The following ZNF880 variants were observed in gnomAD, a reference collection of about 807,000 sequenced individuals.
The protein encoded by ZNF880 is zinc finger protein 880, also known as zinc finger protein LOC400713.
Under a neutral mutation model 11.8 loss-of-function variants are expected in ZNF880, and 12 were observed. The observed-to-expected ratio is 1.02, with a 90% confidence interval of 0.65 to 1.65. The LOEUF is 1.65. ZNF880 is among the 40% of genes most tolerant of loss of function. The pLI is 0.00. For synonymous variants in ZNF880, 210 were observed against 232.4 expected, an observed-to-expected ratio of 0.90 and a Z score of 0.88; for missense variants, 601 against 673.9, an observed-to-expected ratio of 0.89 and a Z score of 1.20.
Position 52,377,392 on chromosome 19 carries a change from C to T in ZNF880, c.268+2965C>T, listed in dbSNP as rs184686440. 2.8e-3 allele frequency among the ~76,000 whole-genome samples: 433 copies of T among 152,182 alleles called. 4 individuals carry two copies. The highest frequency in any genetic ancestry group is 9.0e-3 in the African/African-American group (373 of 41,508). On this transcript the variant is annotated intron_variant, in intron 3 of 3. Coordinates refer to ENST00000422689, the MANE Select transcript of ZNF880 (RefSeq NM_001145434.2). ...AGAGAGCGCTTCACTTCTGGTCAACCGAATGGGTGGGGATTTCTACGCACC... is the reference window on the plus strand; with the variant it reads ...AGAGAGCGCTTCACTTCTGGTCAACTGAATGGGTGGGGATTTCTACGCACC...
chr19:52,382,464 C>G (rs927022614), intron 3 of ZNF880, among the ~76,000 whole-genome samples: 2 of 152,184 alleles, frequency 1.3e-5, no homozygotes, highest in South Asian at 4.1e-4. Flanking sequence ...TTGGGTAAGT[C>G]TAGAATACTA....
At chr19:52,394,884 A>G in the ZNF880 span, 1 of 152,082 alleles carries the variant, frequency 6.6e-6, no homozygotes, top group Non-Finnish European at 1.5e-5. Context: ...TTATCCCTCT[A>G]TTTTCAACAC....
At chr19:52,373,818 G>GT (rs1310142749) in intron 2 of ZNF880, among the ~76,000 whole-genome samples, 2 of 150,850 alleles carry the variant, frequency 1.3e-5, no homozygotes, top group Admixed American at 6.6e-5. Context: ...CTACAGGCAC[G>GT]TGCCACCACG....
chr19:52,372,010 G>A (rs1341808253), intron 1 of ZNF880, among the ~76,000 whole-genome samples: 3 of 151,750 alleles, frequency 2.0e-5, no homozygotes, highest in Non-Finnish European at 2.9e-5. Context: ...CCAACATAGT[G>A]AAAACCTGTC....
chr19:52,369,899 G>A (rs1452504741), upstream of ZNF880: 9 of 1,550,304 alleles, frequency 5.8e-6, no homozygotes, highest in East Asian at 2.2e-4. Context: ...GCCTGGCCTC[G>A]CCTCGCCTCT....
the ZNF880 span, among the ~76,000 whole-genome samples, chr19:52,393,872 T>G: frequency 2.2e-5 from 3 of 136,052 alleles, no homozygotes; most frequent in Non-Finnish European, 4.7e-5. Flanking sequence ...AGTCTTGCTC[T>G]GTCGCCCAGG....
intron 1 of ZNF880, among the ~76,000 whole-genome samples, chr19:52,371,237 G>C (rs1986361512): frequency 6.6e-6 from 1 of 152,106 alleles, no homozygotes; most frequent in South Asian, 2.1e-4. Context: ...ACCTGTTATG[G>C]GGATACATGT....
In ZNF880 at chr19:52,385,096, C is replaced by T. The variant is rs1986843392; in HGVS notation, c.1516C>T (p.His506Tyr). Residue 506 changes from histidine to tyrosine, a missense_variant, in exon 4 of 4, where the codon CAC becomes TAC. Coordinates refer to ENST00000422689, the MANE Select transcript of ZNF880 (RefSeq NM_001145434.2). ...ECHKVFSHNS[H>Y]LARHRQIHTG... ...TCACAAAGTCTTTAGTCACAATTCA[C>T]ACCTTGCACGACATAGGCAAATTCA... 6.4e-7 allele frequency: 1 copy of T among 1,554,834 alleles called. No homozygotes were observed. The highest frequency in any genetic ancestry group is 8.7e-7 in the Non-Finnish European group (1 of 1,148,910).
downstream of ZNF880, chr19:52,389,580 C>A (rs1293365972): frequency 6.6e-6 from 1 of 152,280 alleles, no homozygotes; most frequent in Admixed American, 6.5e-5. Context: ...CCTCTCCTGG[C>A]TGCTTTCACA....
the ZNF880 span, chr19:52,391,071 A>C: frequency 6.6e-6 from 1 of 152,378 alleles, no homozygotes; most frequent in African/African-American, 2.4e-5. Flanking sequence ...GGGTTTCTAG[A>C]GAGATAAAGT....
At chr19:52,370,070 C>G in intron 1 of ZNF880, 93 bp downstream of exon 1, 1 of 1,461,848 alleles carries the variant, frequency 6.8e-7, no homozygotes, top group Non-Finnish European at 9.4e-7. Context: ...ACCTTGAAAT[C>G]CCCGCATCGC....
intron 1 of ZNF880, among the ~76,000 whole-genome samples, chr19:52,371,044 G>A (rs1986354653): frequency 6.6e-6 from 1 of 152,206 alleles, no homozygotes; most frequent in Non-Finnish European, 1.5e-5. Flanking sequence ...GAATAAGTGT[G>A]TACATGTGAT....
At chr19:52,382,260 G>A (rs1366091545) in intron 3 of ZNF880, among the ~76,000 whole-genome samples, 1 of 152,084 alleles carries the variant, frequency 6.6e-6, no homozygotes, top group Non-Finnish European at 1.5e-5. Flanking sequence ...CTGGGTGACA[G>A]AGCAAGACTC....
intron 3 of ZNF880, 151 bp from the exon 4 acceptor site, chr19:52,383,698 T>G (rs1004176636): frequency 7.3e-5 from 62 of 853,168 alleles, no homozygotes; most frequent in African/African-American, 5.5e-4. Context: ...CTTCCGTCCC[T>G]TTTGTTTTCT....
downstream of ZNF880, among the ~76,000 whole-genome samples, chr19:52,388,172 C>G (rs1342700862): frequency 4.7e-5 from 7 of 148,910 alleles, no homozygotes; most frequent in East Asian, 1.4e-3. Flanking sequence ...GCCACTGCGC[C>G]TGGCCCATAA....
Position 52,373,093 on chromosome 19 carries a change from ATG to A in ZNF880, c.13-14_13-13del. The stretch of plus-strand genomic sequence containing the variant: ...TTTTGTGTGATATCCTGTTGGTGAA[ATG>A]TGTTTTTCATTTTAGGGACACTTGG... On this transcript the variant is annotated splice_polypyrimidine_tract_variant and intron_variant, in intron 1 of 3. Transcript: ENST00000422689. 1 of 1,611,118 alleles carries A rather than the reference ATG, an allele frequency of 6.2e-7. No individual in the cohort carries two copies. Among genetic ancestry groups the A allele is most frequent in the Non-Finnish European group, 8.5e-7 (1 of 1,178,184 alleles).
upstream of ZNF880, chr19:52,369,776 T>C: frequency 1.6e-6 from 1 of 642,462 alleles, no homozygotes; most frequent in Non-Finnish European, 2.8e-6. Flanking sequence ...CGGGACACAA[T>C]CTATTTCCAG....
At chr19:52,380,257 GCA>G (rs1448097816) in intron 3 of ZNF880, among the ~76,000 whole-genome samples, 1 of 151,192 alleles carries the variant, frequency 6.6e-6, no homozygotes, top group Non-Finnish European at 1.5e-5. Context: ...TCCCATTTCT[GCA>G]CATTTTTGCC....
Position 52,385,267 on chromosome 19 carries a change from C to T in ZNF880, c.1687C>T (p.Leu563=). Residue 563 remains leucine, a synonymous_variant, in exon 4 of 4, where the codon CTG becomes TTG. Coordinates refer to ENST00000422689, the MANE Select transcript of ZNF880 (RefSeq NM_001145434.2). Reference sequence around the variant, plus strand: ...TAAGGACTTCACTCGAAATTCAAACCTGGCAAATCATCACAGAATCCATAC... The same window carrying T: ...TAAGGACTTCACTCGAAATTCAAACTTGGCAAATCATCACAGAATCCATAC... The part of the protein sequence containing the change: ...CGKDFTRNSN[L]ANHHRIHTGE... The T allele has an allele frequency of 6.4e-7, 1 of 1,551,952 alleles. No individual in the cohort carries two copies. The highest frequency in any genetic ancestry group is 8.7e-7 in the Non-Finnish European group (1 of 1,147,160).
Sources: allele counts gnomAD v4.1 joint callset (sites outside exome capture counted in the v4.1 genomes callset), GRCh38; gene constraint gnomAD v4.1.1; transcripts MANE v1.5; gene names NCBI Gene and HGNC (gene_info 2026-07-23, HGNC 2026-07-21).